The following FUCA2 variants were observed in gnomAD, a reference collection of about 807,000 sequenced individuals.
FUCA2 encodes the protein alpha-L-fucosidase 2, also known as plasma alpha-L-fucosidase.
A neutral mutation model predicts 52.6 loss-of-function variants in FUCA2; 41 were observed. That is an observed-to-expected ratio of 0.78 (90% CI 0.61 to 1.01). The LOEUF is 1.01. Ranked by LOEUF, FUCA2 falls within the 50% of genes least tolerant of loss-of-function variation. The probability of loss-of-function intolerance (pLI) is 0.00; values close to 1 mark genes in which losing one functional copy is unlikely to be tolerated. For synonymous variants in FUCA2, 211 were observed against 217.3 expected (o/e 0.97, Z 0.26); for missense variants, 507 against 569.5 (o/e 0.89, Z 1.12).
chr6:143,494,991 G>T lies in FUCA2; in HGVS notation c.*716C>A. 1 of 152,426 alleles carries T rather than the reference G, an allele frequency of 6.6e-6. No individual in the cohort carries two copies. The highest frequency in any genetic ancestry group is 2.0e-4 in the South Asian group (1 of 4,958). 9.4% of individuals were successfully genotyped at this position (152,426 alleles called of 1,614,324 possible). Reference sequence around the variant, plus strand: ...TAAGCATACAGTATTTATAAAGTCTGGCAGTGTTCAATAATGTCCTAGGCC... The same window carrying T: ...TAAGCATACAGTATTTATAAAGTCTTGCAGTGTTCAATAATGTCCTAGGCC... On this transcript the variant is annotated 3_prime_UTR_variant, in exon 7 of 7. Coordinates refer to ENST00000002165, the MANE Select transcript of FUCA2 (RefSeq NM_032020.5). This position sits in a 1 kb window ranked among gnomAD's most constrained non-coding sequence, Gnocchi z 6.6.
chr6:143,499,133 T>C lies in FUCA2; in HGVS notation c.1155-1636A>G, dbSNP rs1441546171. ...TTGGATGTACAGGTCTAAGATGCTATGCATCTAAGTGGAAATGCTGAGTAG... is the reference window on the plus strand; with the variant it reads ...TTGGATGTACAGGTCTAAGATGCTACGCATCTAAGTGGAAATGCTGAGTAG... On this transcript the variant is annotated intron_variant, in intron 5 of 6. Transcript: ENST00000002165. This position sits in a 1 kb window ranked among gnomAD's most constrained non-coding sequence, Gnocchi z 6.0. Among the ~76,000 whole-genome samples, 3 of 152,216 alleles carry C rather than the reference T, an allele frequency of 2.0e-5. No individual in the cohort carries two copies. The highest frequency in any genetic ancestry group is 3.8e-4 in the East Asian group (2 of 5,196).
chr6:143,506,102 A>C (rs1430343618), intron 2 of FUCA2: 2 of 152,082 alleles, frequency 1.3e-5, no homozygotes, highest in Non-Finnish European at 2.9e-5. Context: ...AAAGGGAAAA[A>C]TATCCTATGA....
Position 143,507,994 on chromosome 6 carries a change from T to C in FUCA2, c.225-570A>G, listed in dbSNP as rs1489038484. Among the ~76,000 whole-genome samples the C allele has an allele frequency of 6.6e-6, 1 of 152,216 alleles. No individual in the cohort carries two copies. The highest frequency in any genetic ancestry group is 6.5e-5 in the Admixed American group (1 of 15,278). ...CCATTCTCTTTTAATTCTTCACTTT[T>C]AAATCACAACATGTAGTATATGTCT... On this transcript the variant is annotated intron_variant, in intron 1 of 6. Coordinates refer to ENST00000002165, the MANE Select transcript of FUCA2 (RefSeq NM_032020.5). The surrounding 1 kb of genome is among the most constrained non-coding windows in gnomAD (Gnocchi z 4.5).
rs1168725568 is a variant in FUCA2, at chr6:143,497,664, C to A, written c.1155-167G>T. Among the ~76,000 whole-genome samples the A allele has an allele frequency of 6.6e-6, 1 of 152,142 alleles. No individual in the cohort carries two copies. Among genetic ancestry groups the A allele is most frequent in the African/African-American group, 2.4e-5 (1 of 41,438 alleles). ...TCATGGTGGTATAAAAAAACACCTT[C>A]CTCCCCCAAGACCAAAAGGAAGTTC... On this transcript the variant is annotated intron_variant, in intron 5 of 6. Transcript: ENST00000002165. The surrounding 1 kb of genome is among the most constrained non-coding windows in gnomAD (Gnocchi z 5.3).
At position 143,495,954 on chromosome 6, in the gene FUCA2, AG is replaced by A; in HGVS notation, c.1264-108del. The A allele has an allele frequency of 2.6e-6, 3 of 1,132,628 alleles. No homozygotes were observed. In the South Asian group the frequency reaches 4.4e-5, roughly 16 times the overall value. The allele number at this position is 1,132,628 out of a possible 1,614,324, so 70.2% of individuals were successfully genotyped here. ...TAGTTCAAACAAAATTGTAGACAAG[AG>A]GTTCATTTTTACCTTTATTTAGTGA... is the stretch of plus-strand genomic sequence containing the variant. On this transcript the variant is annotated intron_variant, in intron 6 of 6. Coordinates refer to ENST00000002165, the MANE Select transcript of FUCA2 (RefSeq NM_032020.5). The surrounding 1 kb of genome is among the most constrained non-coding windows in gnomAD (Gnocchi z 5.2).
In FUCA2 at chr6:143,511,236, G is replaced by T. The variant is rs1000683933; in HGVS notation, c.224+175C>A. Among the ~76,000 whole-genome samples the T allele has an allele frequency of 2.6e-5, 4 of 152,166 alleles. No individual in the cohort carries two copies. Among genetic ancestry groups the T allele is most frequent in the Admixed American group, 2.6e-4 (4 of 15,286 alleles). ...CTGTTCATCCAGCAGAAGCACTTAG[G>T]CAGGAAACCACATATTCGACACCCG... On this transcript the variant is annotated intron_variant, in intron 1 of 6. Coordinates refer to ENST00000002165, the MANE Select transcript of FUCA2 (RefSeq NM_032020.5). This position sits in a 1 kb window ranked among gnomAD's most constrained non-coding sequence, Gnocchi z 6.3.
intron 6 of FUCA2, chr6:143,496,750 C>T (rs1265891129): frequency 3.3e-5 from 5 of 152,048 alleles, no homozygotes; most frequent in South Asian, 2.1e-4. Context: ...CAGATATGTT[C>T]TGGGGTGGGG....
At chr6:143,496,212 C>A (rs554743018) in intron 6 of FUCA2, 27 of 184,820 alleles carry the variant, frequency 1.5e-4, no homozygotes, top group Middle Eastern at 4.8e-3. Context: ...CCCAGATTTT[C>A]TAATAACCTC....
chr6:143,504,808 A>T lies in FUCA2; in HGVS notation c.413-556T>A, dbSNP rs1780578617. 1 of 152,370 alleles carries T rather than the reference A, an allele frequency of 6.6e-6. No homozygotes were observed. Among genetic ancestry groups the T allele is most frequent in the Admixed American group, 6.5e-5 (1 of 15,302 alleles). The allele number at this position is 152,370 out of a possible 1,614,324, so 9.4% of individuals were successfully genotyped here. A position where few individuals can be genotyped will look rare whatever the true frequency, so the allele number is the denominator to read the frequency against. On this transcript the variant is annotated intron_variant, in intron 2 of 6. Transcript: ENST00000002165. This position sits in a 1 kb window ranked among gnomAD's most constrained non-coding sequence, Gnocchi z 4.4. ...GTGATTCTTAGAACACTGGTGATCC[A>T]CGTATAGCAAATCTCTTTTAGCCTG...
Position 143,510,111 on chromosome 6 carries a change from C to A in FUCA2, c.224+1300G>T, listed in dbSNP as rs1310819126. ...AAAATTTATTATTTAAGTCTCCCCA[C>A]ATAATTTAGTCACACAATGTCAATT... On this transcript the variant is annotated intron_variant, in intron 1 of 6. Transcript: ENST00000002165. The surrounding 1 kb of genome is among the most constrained non-coding windows in gnomAD (Gnocchi z 4.4). Among the ~76,000 whole-genome samples the A allele has an allele frequency of 6.6e-6, 1 of 152,024 alleles. No homozygotes were observed. The highest frequency in any genetic ancestry group is 1.5e-5 in the Non-Finnish European group (1 of 68,010).
rs971144148 is a variant in FUCA2 at position 143,503,601 on chromosome 6, A to G, written c.752+312T>C. 2 of 223,240 alleles carry G rather than the reference A, an allele frequency of 9.0e-6. No individual in the cohort carries two copies. Among genetic ancestry groups the G allele is most frequent in the Admixed American group, 5.4e-5 (1 of 18,506 alleles). 13.8% of individuals were successfully genotyped at this position (223,240 alleles called of 1,614,324 possible). On this transcript the variant is annotated intron_variant, in intron 3 of 6. Transcript: ENST00000002165. The surrounding 1 kb of genome is among the most constrained non-coding windows in gnomAD (Gnocchi z 4.8). ...AAGAAACAGAGTTGTCCCAGAATAG[A>G]GGCCATAAAGGACCAGGGTAGGAGA... is the stretch of plus-strand genomic sequence containing the variant.
rs1318353861 is a variant in FUCA2, at chr6:143,497,535, T to C, written c.1155-38A>G. 1 of 1,086,180 alleles carries C rather than the reference T, an allele frequency of 9.2e-7. No individual in the cohort carries two copies. The allele number at this position is 1,086,180 out of a possible 1,614,324, so 67.3% of individuals were successfully genotyped here. On this transcript the variant is annotated intron_variant, in intron 5 of 6. Transcript: ENST00000002165. This position sits in a 1 kb window ranked among gnomAD's most constrained non-coding sequence, Gnocchi z 5.3. ...AAAAAATAAAGAGCATAGTAGCAAGTTACATCCCATGTTTCTCACTATTTA... is the reference window on the plus strand; with the variant it reads ...AAAAAATAAAGAGCATAGTAGCAAGCTACATCCCATGTTTCTCACTATTTA...
At chr6:143,506,272 TG>T (rs1780606909) in intron 2 of FUCA2, 1 of 146,108 alleles carries the variant, frequency 6.8e-6, no homozygotes, top group African/African-American at 2.5e-5. Context: ...CTCCGCTCAC[TG>T]CAGCCTCAAG....
Position 143,503,264 on chromosome 6 carries a change from C to T in FUCA2, c.752+649G>A, listed in dbSNP as rs941296918. 2 of 152,438 alleles carry T rather than the reference C, an allele frequency of 1.3e-5. No individual in the cohort carries two copies. The highest frequency in any genetic ancestry group is 4.8e-5 in the African/African-American group (2 of 41,416). 9.4% of individuals were successfully genotyped at this position (152,438 alleles called of 1,614,324 possible). A position where few individuals can be genotyped will look rare whatever the true frequency, so the allele number is the denominator to read the frequency against. ...TTTGTATTTGTGCCCTTTGTGGGCC[C>T]AGGAAGTGCAAGCAGAAGGTTGCCT... On this transcript the variant is annotated intron_variant, in intron 3 of 6. Transcript: ENST00000002165. This position sits in a 1 kb window ranked among gnomAD's most constrained non-coding sequence, Gnocchi z 4.8.
intron 1 of FUCA2, among the ~76,000 whole-genome samples, chr6:143,508,484 A>T (rs1780641445): frequency 1.3e-5 from 2 of 152,254 alleles, no homozygotes; most frequent in Non-Finnish European, 2.9e-5. Context: ...TGAAGGGCAT[A>T]CTATGCGGCA....
chr6:143,508,003 A>G (rs1562666825), intron 1 of FUCA2, among the ~76,000 whole-genome samples: 1 of 152,170 alleles, frequency 6.6e-6, no homozygotes. Flanking sequence ...TTAAATCACA[A>G]CATGTAGTAT....
At position 143,504,333 on chromosome 6, in the gene FUCA2, A is replaced by C; in HGVS notation, c.413-81T>G. 8.6e-7 allele frequency: 1 copy of C among 1,163,228 alleles called. No individual in the cohort carries two copies. The highest frequency in any genetic ancestry group is 1.2e-6 in the Non-Finnish European group (1 of 810,088). 72.1% of individuals were successfully genotyped at this position (1,163,228 alleles called of 1,614,324 possible). A position where few individuals can be genotyped will look rare whatever the true frequency, so the allele number is the denominator to read the frequency against. On this transcript the variant is annotated intron_variant, in intron 2 of 6. Transcript: ENST00000002165. This position sits in a 1 kb window ranked among gnomAD's most constrained non-coding sequence, Gnocchi z 4.4. The stretch of plus-strand genomic sequence containing the variant: ...TCAACCCACACAAATGCCCAAACAA[A>C]TCACATAGTACATGCGATATATAAA...
chr6:143,497,425 G>A lies in FUCA2; in HGVS notation c.1227C>T (p.Phe409=). The A allele has an allele frequency of 6.2e-7, 1 of 1,613,824 alleles. No homozygotes were observed. The highest frequency in any genetic ancestry group is 1.1e-5 in the South Asian group (1 of 91,068). ...FLKWPTSGQL[F]LGHPKAILGA... Reference sequence around the variant, plus strand: ...CCAGAATAGCTTTGGGATGGCCAAGGAACAGCTGTCCTGATGTGGGCCATT... The same window carrying A: ...CCAGAATAGCTTTGGGATGGCCAAGAAACAGCTGTCCTGATGTGGGCCATT... Residue 409 remains phenylalanine (F), a synonymous_variant, in exon 6 of 7, where the codon TTC becomes TTT. Transcript: ENST00000002165. The surrounding 1 kb of genome is among the most constrained non-coding windows in gnomAD (Gnocchi z 5.3).
chr6:143,497,516 T>A lies in FUCA2; in HGVS notation c.1155-19A>T, dbSNP rs1390347921. The A allele has an allele frequency of 4.3e-6, 6 of 1,386,238 alleles. No individual in the cohort carries two copies. In the Admixed American group the frequency reaches 1.0e-4, roughly 24 times the overall value. The allele number at this position is 1,386,238 out of a possible 1,614,324, so 85.9% of individuals were successfully genotyped here. On this transcript the variant is annotated intron_variant, in intron 5 of 6. Transcript: ENST00000002165. The surrounding 1 kb of genome is among the most constrained non-coding windows in gnomAD (Gnocchi z 5.3). ...TGTGTACCTGGTTAAAAGAAAAAAA[T>A]AAAGAGCATAGTAGCAAGTTACATC...
Sources: allele counts gnomAD v4.1 joint callset (sites outside exome capture counted in the v4.1 genomes callset), GRCh38; gene constraint gnomAD v4.1.1; non-coding constraint Gnocchi (gnomAD v3.1); transcripts MANE v1.5; gene names NCBI Gene and HGNC (gene_info 2026-07-23, HGNC 2026-07-21).